Variants in MAD1L1 observed in about 807,000 individuals in gnomAD.
The protein encoded by MAD1L1 is mitotic spindle assembly checkpoint protein MAD1.
A neutral mutation model predicts 96.9 loss-of-function variants in MAD1L1; 95 were observed. The ratio of observed to expected loss-of-function variants is 0.98; its 90% confidence interval spans 0.83 to 1.16. The LOEUF is 1.16. MAD1L1 is among the 50% of genes most tolerant of loss of function. The pLI, the probability that MAD1L1 is intolerant of heterozygous loss-of-function variation, is 0.00. For missense variants in MAD1L1, 1,007 were observed against 954.4 expected (o/e 1.06, Z -0.73); for synonymous variants, 473 against 396.6 (o/e 1.19, Z -2.29).
At chr7:2,059,550 G>A (rs575220302) in intron 12 of MAD1L1, among the ~76,000 whole-genome samples, 2 of 151,040 alleles carry the variant, frequency 1.3e-5, no homozygotes, top group East Asian at 2.0e-4. Context: ...GAGAGGCAAG[G>A]GGCTGGCGGG....
chr7:2,228,926 G>A (rs1336631043), intron 3 of MAD1L1, among the ~76,000 whole-genome samples: 1 of 151,734 alleles, frequency 6.6e-6, no homozygotes, highest in African/African-American at 2.4e-5. Flanking sequence ...GTAGAGACAG[G>A]GTTTCACCGT....
intron 11 of MAD1L1, among the ~76,000 whole-genome samples, chr7:2,141,625 C>T (rs1789036739): frequency 6.6e-6 from 1 of 152,196 alleles, no homozygotes; most frequent in Admixed American, 6.5e-5. Flanking sequence ...ATGCCATGCC[C>T]CCCTTCTCTC....
At chr7:2,204,659 A>C (rs1792497713) in intron 10 of MAD1L1, among the ~76,000 whole-genome samples, 1 of 152,276 alleles carries the variant, frequency 6.6e-6, no homozygotes, top group South Asian at 2.1e-4. Context: ...CACTGCGTGG[A>C]GACGCCACGG....
At chr7:2,008,772 G>GC (rs1383209769) in intron 13 of MAD1L1, among the ~76,000 whole-genome samples, 4 of 43,976 alleles carry the variant, frequency 9.1e-5, no homozygotes, top group Non-Finnish European at 1.2e-4. Context: ...AGGAAGCTCA[G>GC]GGGGGGAAGG....
chr7:1,971,401 GA>G (rs1780400280), intron 15 of MAD1L1, among the ~76,000 whole-genome samples: 1 of 152,160 alleles, frequency 6.6e-6, no homozygotes, highest in African/African-American at 2.4e-5. Context: ...CTCACTAGGT[GA>G]AAACGCGAAA....
Position 2,222,737 on chromosome 7 carries a change from G to T in MAD1L1, c.309C>A (p.Asn103Lys). 6.2e-7 allele frequency: 1 copy of T among 1,603,498 alleles called. No homozygotes were observed. Among genetic ancestry groups the T allele is most frequent in the Non-Finnish European group, 8.5e-7 (1 of 1,178,712 alleles). Residue 103 changes from asparagine (N) to lysine (K), a missense_variant, in exon 5 of 19, where the codon AAC (asparagine) becomes AAA (lysine). Physicochemically the swap from Asn to Lys is moderately conservative, Grantham distance 94 (BLOSUM62 0). Transcript: ENST00000265854. ...ARNYEREVDRNQELLTRIRQL... is the reference protein window; with the variant it reads ...ARNYEREVDRKQELLTRIRQL... ...GCCGGATGCGCGTCAGGAGCTCCTG[G>T]TTGCGGTCGACCTCACGCTGTTAAG...
intron 18 of MAD1L1, chr7:1,817,507 GGGCAAACCCC>G (rs1331962675): frequency 1.3e-5 from 2 of 152,198 alleles, no homozygotes; most frequent in African/African-American, 2.4e-5. Flanking sequence ...GCTGCCACGC[GGGCAAACCCC>G]GAAAACACGC....
In MAD1L1 at chr7:1,980,543, T is replaced by G. The variant is rs1780855435; in HGVS notation, c.1417-2A>C. 1 of 1,610,258 alleles carries G rather than the reference T, an allele frequency of 6.2e-7. No individual in the cohort carries two copies. The highest frequency in any genetic ancestry group is 8.5e-7 in the Non-Finnish European group (1 of 1,178,190). On this transcript the variant is annotated splice_acceptor_variant, in intron 14 of 18. Transcript: ENST00000265854. LOFTEE classifies it high-confidence loss of function. ...CAGCATCTTCAGCTCCATCTCCAGC[T>G]AGGAGAAAGCAAAGGATAGAGGGTC...
chr7:1,849,064 A>AAACG (rs71023365), intron 18 of MAD1L1: 4 of 150,786 alleles, frequency 2.7e-5, no homozygotes, highest in African/African-American at 1.0e-4. Context: ...ACACACACAC[A>AAACG]CACACACACA....
chr7:2,040,872 T>C (rs975115317), intron 12 of MAD1L1, among the ~76,000 whole-genome samples: 9 of 152,218 alleles, frequency 5.9e-5, no homozygotes, highest in Non-Finnish European at 1.0e-4. Flanking sequence ...AACAGAGGTG[T>C]TGGCTGCTCT....
At chr7:1,844,920 G>A (rs1020408853) in intron 18 of MAD1L1, among the ~76,000 whole-genome samples, 1 of 152,250 alleles carries the variant, frequency 6.6e-6, no homozygotes, top group Non-Finnish European at 1.5e-5. Context: ...ACAGTATGCT[G>A]CTGGTCAGTG....
chr7:2,089,696 G>A (rs1008614759), intron 11 of MAD1L1, among the ~76,000 whole-genome samples: 3 of 148,478 alleles, frequency 2.0e-5, no homozygotes, highest in Non-Finnish European at 3.0e-5. Flanking sequence ...CACGTGCATC[G>A]TGTTTAATCA....
At chr7:2,057,921 T>C (rs1248414529) in intron 12 of MAD1L1, among the ~76,000 whole-genome samples, 3 of 152,140 alleles carry the variant, frequency 2.0e-5, no homozygotes, top group African/African-American at 7.2e-5. Context: ...CATTCCTCCA[T>C]GACACTGCAC....
At chr7:2,186,879 C>T (rs1389475498) in intron 10 of MAD1L1, among the ~76,000 whole-genome samples, 5 of 151,878 alleles carry the variant, frequency 3.3e-5, no homozygotes. Context: ...CTGCAAGCTC[C>T]ACCTACCAGG....
At chr7:1,888,535 C>T (rs1167828881) in intron 18 of MAD1L1, among the ~76,000 whole-genome samples, 1 of 92,278 alleles carries the variant, frequency 1.1e-5, no homozygotes, top group African/African-American at 4.6e-5. Flanking sequence ...TGTGTGGTTG[C>T]CTGTGCGTGT....
chr7:2,129,400 C>T (rs1788401108), intron 11 of MAD1L1, among the ~76,000 whole-genome samples: 1 of 152,228 alleles, frequency 6.6e-6, no homozygotes, highest in Non-Finnish European at 1.5e-5. Flanking sequence ...CACGAGCAGG[C>T]CAAGCCACCC....
intron 16 of MAD1L1, among the ~76,000 whole-genome samples, chr7:1,937,176 G>A (rs567901500): frequency 1.3e-5 from 2 of 152,188 alleles, no homozygotes; most frequent in African/African-American, 2.4e-5. Flanking sequence ...GGGACATGCG[G>A]CCTTTGCTCA....
At chr7:2,226,335 C>G (rs767396863) in intron 3 of MAD1L1, among the ~76,000 whole-genome samples, 1 of 152,178 alleles carries the variant, frequency 6.6e-6, no homozygotes, top group African/African-American at 2.4e-5. Context: ...TCTGGGGGCC[C>G]TCTCAGAAGC....
At chr7:2,151,793 A>C (rs34739081) in intron 10 of MAD1L1, among the ~76,000 whole-genome samples, 24,267 of 152,230 alleles carry the variant, frequency 0.16, 2,022 homozygotes, top group Middle Eastern at 0.28. Context: ...ACAGTGACAG[A>C]GCTCTCTTCT....
Sources: allele counts gnomAD v4.1 joint callset (sites outside exome capture counted in the v4.1 genomes callset), GRCh38; gene constraint gnomAD v4.1.1; transcripts MANE v1.5; gene names NCBI Gene and HGNC (gene_info 2026-07-23, HGNC 2026-07-21).